UGT1A5: variants seen among roughly 807,000 people sequenced by gnomAD.
The protein encoded by UGT1A5 is UDP glucuronosyltransferase family 1 member A5.
Under a neutral mutation model 40.3 loss-of-function variants are expected in UGT1A5, and 29 were observed. The observed-to-expected ratio is 0.72, with a 90% CI of 0.54 to 0.98. The LOEUF (loss-of-function observed/expected upper bound fraction) is 0.98, where lower values mean the gene tolerates loss of function less well. Among genes scored for constraint, UGT1A5 ranks in the 50% least tolerant of loss-of-function variants. The pLI is 0.00. For missense variants in UGT1A5, 678 were observed against 677.9 expected (o/e 1.00, Z 0.00); for synonymous variants, 257 against 262.5 (o/e 0.98, Z 0.20).
intron 1 of UGT1A5, among the ~76,000 whole-genome samples, chr2:233,730,262 T>G (rs2078006509): frequency 6.6e-6 from 1 of 152,108 alleles, no homozygotes; most frequent in South Asian, 2.1e-4. Context: ...TAGAGACTGT[T>G]GGTTTGTAAA....
At chr2:233,762,729 T>G (rs1012866470) in intron 1 of UGT1A5, among the ~76,000 whole-genome samples, 22 of 152,030 alleles carry the variant, frequency 1.4e-4, no homozygotes, top group Non-Finnish European at 3.2e-4. Context: ...TTTTTTTTTT[T>G]GGTCACTACT....
At position 233,761,196 on chromosome 2, in the gene UGT1A5, T is replaced by C. The variant is rs761284519; in HGVS notation, c.868-5838T>C. 5.6e-6 allele frequency: 9 copies of C among 1,614,024 alleles called. No homozygotes were observed. The East Asian group carries it at 2.0e-4, about 36-fold the overall frequency. Reference sequence around the variant, plus strand: ...TTTTACATGCGTATATTCTTTCAGATGTATTACTTTGGATCGATTAACTAG... The same window carrying C: ...TTTTACATGCGTATATTCTTTCAGACGTATTACTTTGGATCGATTAACTAG... On this transcript the variant is annotated intron_variant, in intron 1 of 4. Transcript: ENST00000373414.
chr2:233,730,008 C>A (rs1346345319), intron 1 of UGT1A5: 25 of 1,613,892 alleles, frequency 1.5e-5, no homozygotes, highest in Non-Finnish European at 2.1e-5. Context: ...GTATTGGTGC[C>A]TTCATCCAAT....
intron 1 of UGT1A5, chr2:233,754,464 G>A (rs748886391): frequency 1.4e-5 from 5 of 356,342 alleles, no homozygotes; most frequent in Non-Finnish European, 2.2e-5. Flanking sequence ...CAGCTGTTCT[G>A]AAAGTAAAGT....
At chr2:233,747,587 T>C (rs1416788712) in intron 1 of UGT1A5, 8 of 1,579,890 alleles carry the variant, frequency 5.1e-6, no homozygotes, top group Non-Finnish European at 3.5e-6. Context: ...TGGTCTTTCA[T>C]AGGTCTTGTG....
At chr2:233,757,935 C>T (rs12052787) in intron 1 of UGT1A5, among the ~76,000 whole-genome samples, 10,310 of 152,142 alleles carry the variant, frequency 0.068, 485 homozygotes, top group East Asian at 0.2. Flanking sequence ...CAAAGCAAGA[C>T]CATCATATTG....
intron 1 of UGT1A5, among the ~76,000 whole-genome samples, chr2:233,732,141 T>C (rs532123817): frequency 6.6e-6 from 1 of 151,874 alleles, no homozygotes; most frequent in South Asian, 2.1e-4. Context: ...TGTTTGTTTG[T>C]TTTTTTTCTT....
intron 1 of UGT1A5, among the ~76,000 whole-genome samples, chr2:233,759,713 T>TGGTG (rs1157954887): frequency 2.6e-5 from 4 of 151,594 alleles, no homozygotes; most frequent in African/African-American, 9.7e-5. Flanking sequence ...CGTGCTCGTG[T>TGGTG]GGTGGGCTCT....
chr2:233,714,694 G>A (rs187411884), intron 1 of UGT1A5, among the ~76,000 whole-genome samples: 374 of 152,256 alleles, frequency 2.5e-3, no homozygotes, highest in Non-Finnish European at 4.0e-3. Flanking sequence ...TTCAACATGT[G>A]AACTGTTTAA....
At chr2:233,742,146 G>A (rs1312882014) in intron 1 of UGT1A5, among the ~76,000 whole-genome samples, 1 of 151,928 alleles carries the variant, frequency 6.6e-6, no homozygotes, top group Admixed American at 6.5e-5. Context: ...AGCAGCGCTA[G>A]ACGAATTAAA....
At chr2:233,741,956 CTTG>C (rs1315214944) in intron 1 of UGT1A5, 1 of 151,862 alleles carries the variant, frequency 6.6e-6, no homozygotes, top group East Asian at 1.9e-4. Flanking sequence ...AAGGTACTTT[CTTG>C]TTGTGTTTAT....
rs548179341 is a variant in UGT1A5 at position 233,739,425 on chromosome 2, G to A, written c.867+25567G>A. ...GCCACCCTCTGAAAGCAGCCAGGACGAGGGCTTTACCCTGCAAAGCCACAG... is the reference window on the plus strand; with the variant it reads ...GCCACCCTCTGAAAGCAGCCAGGACAAGGGCTTTACCCTGCAAAGCCACAG... On this transcript the variant is annotated intron_variant, in intron 1 of 4. Transcript: ENST00000373414. Among the ~76,000 whole-genome samples the A allele has an allele frequency of 5.9e-5, 9 of 152,320 alleles. No individual in the cohort carries two copies. The East Asian group carries it at 7.7e-4, about 13-fold the overall frequency.
Position 233,713,808 on chromosome 2 carries a change from A to T in UGT1A5, c.817A>T (p.Met273Leu). The change falls in exon 1 of 5, where the codon ATG (methionine) becomes TTG (leucine). Residue 273 changes from methionine to leucine, a missense_variant. Met to Leu is a conservative substitution (Grantham distance 15). Transcript: ENST00000373414. Reference sequence around the variant, plus strand: ...TTACCCCAGGCCGATCATGCCCAACATGGTCTTCATTGGGGGCATCAACTG... The same window carrying T: ...TTACCCCAGGCCGATCATGCCCAACTTGGTCTTCATTGGGGGCATCAACTG... ...MDYPRPIMPNMVFIGGINCAN... is the reference protein window; with the variant it reads ...MDYPRPIMPNLVFIGGINCAN... 1 of 1,614,048 alleles carries T rather than the reference A, an allele frequency of 6.2e-7. No individual in the cohort carries two copies. Among genetic ancestry groups the T allele is most frequent in the African/African-American group, 1.3e-5 (1 of 75,024 alleles).
intron 1 of UGT1A5, among the ~76,000 whole-genome samples, chr2:233,720,036 T>C (rs2076824550): frequency 6.6e-6 from 1 of 152,194 alleles, no homozygotes; most frequent in Admixed American, 6.5e-5. Context: ...GCTTGCCTGA[T>C]TTTCAGCTGA....
At chr2:233,755,054 C>G (rs748506326) in intron 1 of UGT1A5, 13 of 1,332,706 alleles carry the variant, frequency 9.8e-6, no homozygotes, top group South Asian at 6.9e-5. Context: ...CGCCCTCCGC[C>G]CTCGCCTCGC....
Position 233,724,489 on chromosome 2 carries a change from G to A in UGT1A5, c.867+10631G>A, listed in dbSNP as rs571092299. Among the ~76,000 whole-genome samples the A allele has an allele frequency of 7.6e-3, 558 of 73,198 alleles. 28 individuals carry two copies. The highest frequency in any genetic ancestry group is 0.012 in the Non-Finnish European group (429 of 34,572). 48.0% of individuals were successfully genotyped at this position (73,198 alleles called of 152,430 possible). A position where few individuals can be genotyped will look rare whatever the true frequency, so the allele number is the denominator to read the frequency against. ...GGGCTCCTCACTTCTCAGACGGGGC[G>A]GCCGGGCAGAGACGCTCCTCACCTC... On this transcript the variant is annotated intron_variant, in intron 1 of 4. Coordinates refer to ENST00000373414, the MANE Select transcript of UGT1A5 (RefSeq NM_019078.2).
chr2:233,732,720 A>G lies in UGT1A5; in HGVS notation c.867+18862A>G, dbSNP rs554458452. On this transcript the variant is annotated intron_variant, in intron 1 of 4. Transcript: ENST00000373414. ...TTTTGTTACTGTAGCCTTGTAGTAC[A>G]GTTTGAAGTCAGGTAGCATGATGCC... Among the ~76,000 whole-genome samples, 386 of 148,730 alleles carry G rather than the reference A, an allele frequency of 2.6e-3. 1 individual carries two copies. The highest frequency in any genetic ancestry group is 3.9e-3 in the Non-Finnish European group (263 of 67,550).
At chr2:233,763,400 C>G (rs1260538739) in intron 1 of UGT1A5, among the ~76,000 whole-genome samples, 3 of 152,186 alleles carry the variant, frequency 2.0e-5, no homozygotes, top group African/African-American at 7.2e-5. Context: ...CAACATGGCA[C>G]TGGTATTTTT....
chr2:233,755,783 C>G (rs142854795), intron 1 of UGT1A5: 1,687 of 152,656 alleles, frequency 0.011, 25 homozygotes, highest in Non-Finnish European at 0.017. Flanking sequence ...TTATGCCTAT[C>G]ATATGTACTG....
Sources: allele counts gnomAD v4.1 joint callset (sites outside exome capture counted in the v4.1 genomes callset), GRCh38; gene constraint gnomAD v4.1.1; transcripts MANE v1.5; gene names NCBI Gene and HGNC (gene_info 2026-07-23, HGNC 2026-07-21).